Variants in UPK1B observed in about 807,000 individuals in gnomAD.
The protein encoded by UPK1B is uroplakin-1b.
UPK1B carries 28 observed loss-of-function variants against 34.2 expected under a neutral mutation model. That is an observed-to-expected ratio of 0.82 (90% confidence interval 0.61 to 1.12). UPK1B has a LOEUF of 1.12. Among genes scored for constraint, UPK1B ranks in the 50% most tolerant of loss-of-function variants. UPK1B has a pLI of 0.00. For missense variants in UPK1B, 325 were observed against 320.9 expected, an observed-to-expected ratio of 1.01 and a Z score of -0.10; for synonymous variants, 81 against 110.4, an observed-to-expected ratio of 0.73 and a Z score of 1.67.
At chr3:119,174,685 C>T (rs1385132814) in intron 1 of UPK1B, among the ~76,000 whole-genome samples, 1 of 152,108 alleles carries the variant, frequency 6.6e-6, no homozygotes, top group Non-Finnish European at 1.5e-5. Flanking sequence ...TTGCTAAGCA[C>T]AACAGGAAAG....
chr3:119,193,713 T>C (rs1056875659), intron 5 of UPK1B, among the ~76,000 whole-genome samples: 2 of 152,230 alleles, frequency 1.3e-5, no homozygotes, highest in African/African-American at 4.8e-5. Flanking sequence ...GATTCTCAAT[T>C]TGCTTTGATA....
At chr3:119,178,117 C>G (rs1360183962) in intron 1 of UPK1B, among the ~76,000 whole-genome samples, 1 of 152,200 alleles carries the variant, frequency 6.6e-6, no homozygotes, top group African/African-American at 2.4e-5. Flanking sequence ...TGAAAAATGG[C>G]AGGCAGGCCA....
intron 1 of UPK1B, among the ~76,000 whole-genome samples, chr3:119,175,002 CTTTTATTTTCTTTTTTTTTTTT>C (rs2077947901): frequency 4.0e-5 from 2 of 50,124 alleles, no homozygotes; most frequent in Admixed American, 2.3e-4. Context: ...CTTTTTTTTT[CTTTTATTTTCTTTTTTTTTTTT>C]TTTTTTTTTT....
At chr3:119,190,577 A>G (rs1476669034) in intron 4 of UPK1B, among the ~76,000 whole-genome samples, 2 of 152,146 alleles carry the variant, frequency 1.3e-5, no homozygotes, top group Non-Finnish European at 2.9e-5. Flanking sequence ...AGAATTCTGA[A>G]CCCAGATGGC....
At position 119,194,258 on chromosome 3, in the gene UPK1B, A is replaced by G; in HGVS notation, c.508A>G (p.Lys170Glu). The change falls in exon 6 of 8, where the codon AAA (lysine) becomes GAA (glutamate). Residue 170 changes from lysine (K) to glutamate (E), a missense_variant. Lys to Glu is a moderately conservative substitution (Grantham distance 56). Coordinates refer to ENST00000264234, the MANE Select transcript of UPK1B (RefSeq NM_006952.4). ...CGVNGPSDWQ[K>E]YTSAFRTENN... ...CGTAAATGGTCCATCAGACTGGCAA[A>G]AATACACATCTGCCTTCCGGACTGA... 1 of 1,614,044 alleles carries G rather than the reference A, an allele frequency of 6.2e-7. No homozygotes were observed. The highest frequency in any genetic ancestry group is 8.5e-7 in the Non-Finnish European group (1 of 1,179,926).
intron 1 of UPK1B, among the ~76,000 whole-genome samples, chr3:119,174,580 T>C (rs748726153): frequency 2.0e-5 from 3 of 152,002 alleles, no homozygotes; most frequent in Admixed American, 6.6e-5. Context: ...ATCCTGTCTC[T>C]AAAAAAAATA....
At chr3:119,195,971 A>G (rs960830088) in intron 6 of UPK1B, among the ~76,000 whole-genome samples, 14 of 122,950 alleles carry the variant, frequency 1.1e-4, no homozygotes, top group Non-Finnish European at 2.2e-4. Context: ...CCCTGGCCTC[A>G]TCTGTTCTAA....
chr3:119,195,189 G>A (rs1259586053), intron 6 of UPK1B, among the ~76,000 whole-genome samples: 1 of 152,000 alleles, frequency 6.6e-6, no homozygotes, highest in East Asian at 1.9e-4. Flanking sequence ...CTGCCTTCAA[G>A]CACAGACTCT....
rs770556056 is a variant in UPK1B at position 119,191,051 on chromosome 3, G to T, written c.415G>T (p.Asp139Tyr). 21 of 1,613,880 alleles carry T rather than the reference G, an allele frequency of 1.3e-5. No individual in the cohort carries two copies. The highest frequency in any genetic ancestry group is 1.8e-5 in the Non-Finnish European group (21 of 1,179,964). The change falls in exon 5 of 8, where the codon GAC becomes TAC. Residue 139 changes from aspartate to tyrosine, a missense_variant. Asp to Tyr is a radical substitution (Grantham distance 160). Coordinates refer to ENST00000264234, the MANE Select transcript of UPK1B (RefSeq NM_006952.4). ...YQNNSPPNND[D>Y]QWKNNGVTKT... ...AAACAACAGCCCTCCAAACAATGAT[G>T]ACCAGTGGAAAAACAATGGAGTCAC...
intron 1 of UPK1B, among the ~76,000 whole-genome samples, chr3:119,177,419 C>T (rs1295806032): frequency 6.6e-6 from 1 of 152,222 alleles, no homozygotes; most frequent in Non-Finnish European, 1.5e-5. Flanking sequence ...GGACTTGAAT[C>T]TTAACTCTTT....
At chr3:119,174,599 T>A (rs1160646946) in intron 1 of UPK1B, among the ~76,000 whole-genome samples, 1 of 152,148 alleles carries the variant, frequency 6.6e-6, no homozygotes, top group Non-Finnish European at 1.5e-5. Context: ...TAAAAATAAA[T>A]TTTTAAAGAA....
chr3:119,186,657 G>T lies in UPK1B; in HGVS notation c.-28-57G>T. The T allele has an allele frequency of 7.1e-6, 10 of 1,402,468 alleles. No individual in the cohort carries two copies. The South Asian group carries it at 1.1e-4, about 15-fold the overall frequency. 86.9% of individuals were successfully genotyped at this position (1,402,468 alleles called of 1,614,324 possible). Reference sequence around the variant, plus strand: ...GGGAACAAGGAGGCAATACGCAATGGCTTGGTTTACTCATGTTACAGAAAC... The same window carrying T: ...GGGAACAAGGAGGCAATACGCAATGTCTTGGTTTACTCATGTTACAGAAAC... On this transcript the variant is annotated intron_variant, in intron 1 of 7. Coordinates refer to ENST00000264234, the MANE Select transcript of UPK1B (RefSeq NM_006952.4).
At chr3:119,198,123 C>A in intron 6 of UPK1B, among the ~76,000 whole-genome samples, 1 of 120,768 alleles carries the variant, frequency 8.3e-6, no homozygotes, top group African/African-American at 3.2e-5. Flanking sequence ...AGGGAAGGAT[C>A]CTTCTTAGGA....
chr3:119,197,590 T>C (rs980797537), intron 6 of UPK1B, among the ~76,000 whole-genome samples: 1 of 152,364 alleles, frequency 6.6e-6, no homozygotes, highest in African/African-American at 2.4e-5. Flanking sequence ...TAAACATTAA[T>C]GTTCCATTCA....
chr3:119,176,435 A>C (rs2077957346), intron 1 of UPK1B, among the ~76,000 whole-genome samples: 1 of 152,238 alleles, frequency 6.6e-6, no homozygotes. Flanking sequence ...TAGGAAAACA[A>C]ACTGAGTGAA....
At chr3:119,203,877 C>T (rs1001589434) in intron 7 of UPK1B, 40 bp from the exon 8 acceptor site, 11 of 1,598,818 alleles carry the variant, frequency 6.9e-6, no homozygotes, top group East Asian at 2.2e-5. Context: ...GTTTCTAAAA[C>T]AATCCCTTGT....
At chr3:119,196,539 T>TC (rs2078068414) in intron 6 of UPK1B, among the ~76,000 whole-genome samples, 1 of 143,566 alleles carries the variant, frequency 7.0e-6, no homozygotes, top group South Asian at 2.4e-4. Context: ...CTTTTTCTTT[T>TC]TTTTTTTTTT....
chr3:119,193,231 T>C (rs1473273622), intron 5 of UPK1B, among the ~76,000 whole-genome samples: 1 of 152,238 alleles, frequency 6.6e-6, no homozygotes, highest in Non-Finnish European at 1.5e-5. Context: ...CACTAAATCC[T>C]AGTTTGAAAT....
chr3:119,203,867 G>A, intron 7 of UPK1B, 50 bp from the exon 8 acceptor site: 3 of 1,581,894 alleles, frequency 1.9e-6, no homozygotes, highest in Non-Finnish European at 1.7e-6. Context: ...AGAATGAGAT[G>A]TTTCTAAAAC....
Sources: gnomAD v4.1 joint callset for allele counts (sites outside exome capture counted in the v4.1 genomes callset) on GRCh38, gnomAD v4.1.1 for gene constraint, MANE v1.5 for transcripts, NCBI Gene and HGNC (gene_info 2026-07-23, HGNC 2026-07-21) for gene names.